The following GRM5 variants were observed in gnomAD, a reference collection of about 807,000 sequenced individuals.
The protein encoded by GRM5 is metabotropic glutamate receptor 5.
A neutral mutation model predicts 83.1 loss-of-function variants in GRM5; 19 were observed. The observed-to-expected ratio is 0.23, with a 90% confidence interval of 0.16 to 0.34. The LOEUF (loss-of-function observed/expected upper bound fraction) is 0.34. Among genes scored for constraint, GRM5 ranks in the 10% least tolerant of loss-of-function variants. The probability of loss-of-function intolerance (pLI) is 1.00; values close to 1 mark genes in which losing one functional copy is unlikely to be tolerated. For synonymous variants in GRM5, 675 were observed against 633.6 expected (o/e 1.07, Z -0.98); for missense variants, 1,160 against 1,588.3 (o/e 0.73, Z 4.58).
intron 8 of GRM5, among the ~76,000 whole-genome samples, chr11:88,546,399 T>C (rs560132988): frequency 1.3e-5 from 2 of 152,266 alleles, no homozygotes; most frequent in South Asian, 4.1e-4. Flanking sequence ...TCTCAATGAA[T>C]AGTTACTGAA....
intron 1 of GRM5, among the ~76,000 whole-genome samples, chr11:89,064,887 T>A (rs1247574802): frequency 4.8e-5 from 3 of 61,992 alleles, no homozygotes; most frequent in South Asian, 1.7e-3. Context: ...TCTCTCTCTC[T>A]CTGTGTGTGT....
At chr11:89,030,780 A>T (rs561220238) in intron 2 of GRM5, among the ~76,000 whole-genome samples, 2 of 152,208 alleles carry the variant, frequency 1.3e-5, no homozygotes, top group Admixed American at 1.3e-4. Flanking sequence ...ATGCCCTATT[A>T]TACTTAAGAA....
intron 1 of GRM5, among the ~76,000 whole-genome samples, chr11:89,059,966 A>G (rs1215277608): frequency 2.6e-5 from 4 of 152,064 alleles, no homozygotes; most frequent in Admixed American, 6.6e-5. Flanking sequence ...AAAATAGTGA[A>G]ACTAAGGTAC....
At chr11:88,675,809 G>A (rs946259726) in intron 3 of GRM5, among the ~76,000 whole-genome samples, 2 of 152,026 alleles carry the variant, frequency 1.3e-5, no homozygotes, top group South Asian at 2.1e-4. Context: ...TAGGCATTCT[G>A]TAAATGTTTG....
chr11:88,912,537 G>A (rs1439448651), intron 2 of GRM5, among the ~76,000 whole-genome samples: 1 of 146,086 alleles, frequency 6.8e-6, no homozygotes, highest in Non-Finnish European at 1.5e-5. Flanking sequence ...GCATGTGTAT[G>A]TGTTGGTGGG....
At chr11:88,741,109 C>A (rs917866971) in intron 3 of GRM5, among the ~76,000 whole-genome samples, 1 of 151,960 alleles carries the variant, frequency 6.6e-6, no homozygotes, top group East Asian at 1.9e-4. Flanking sequence ...AGGCGGCAAC[C>A]ACAGCTTAAG....
chr11:88,546,550 C>T (rs1942389170), intron 8 of GRM5, among the ~76,000 whole-genome samples: 2 of 151,924 alleles, frequency 1.3e-5, no homozygotes, highest in African/African-American at 4.8e-5. Context: ...TGGAATTTGG[C>T]TAAATGGAGT....
chr11:88,943,843 T>C (rs1262710407), intron 2 of GRM5, among the ~76,000 whole-genome samples: 1 of 151,994 alleles, frequency 6.6e-6, no homozygotes, highest in East Asian at 1.9e-4. Context: ...GGTCTTGGCA[T>C]CCATAGCTAC....
chr11:88,600,111 A>G (rs1024002097), intron 5 of GRM5, among the ~76,000 whole-genome samples: 1 of 152,198 alleles, frequency 6.6e-6, no homozygotes, highest in African/African-American at 2.4e-5. Flanking sequence ...AGAAGCAAAG[A>G]TTAGTGTGTC....
intron 2 of GRM5, among the ~76,000 whole-genome samples, chr11:88,934,297 G>T (rs1173976185): frequency 6.6e-6 from 1 of 151,762 alleles, no homozygotes; most frequent in Non-Finnish European, 1.5e-5. Context: ...TGATTTCAAA[G>T]ATAACCTAAC....
At chr11:88,812,281 A>G (rs1532546) in intron 3 of GRM5, among the ~76,000 whole-genome samples, 1 of 144,040 alleles carries the variant, frequency 6.9e-6, no homozygotes. Flanking sequence ...AGAGGCCCCC[A>G]AAAATTGAGA....
chr11:88,940,915 A>T (rs997441942), intron 2 of GRM5, among the ~76,000 whole-genome samples: 5 of 152,070 alleles, frequency 3.3e-5, no homozygotes, highest in African/African-American at 1.2e-4. Flanking sequence ...TGAGGCAATC[A>T]GTATGAACAC....
At chr11:88,709,100 G>T (rs1259882623) in intron 3 of GRM5, among the ~76,000 whole-genome samples, 1 of 151,964 alleles carries the variant, frequency 6.6e-6, no homozygotes, top group African/African-American at 2.4e-5. Context: ...ATTTTGGAGA[G>T]AAGTCCCTGG....
chr11:88,729,303 G>A (rs1941752664), intron 3 of GRM5, among the ~76,000 whole-genome samples: 1 of 151,646 alleles, frequency 6.6e-6, no homozygotes, highest in African/African-American at 2.4e-5. Flanking sequence ...AAAATACCTA[G>A]GAATCCAACT....
chr11:89,002,314 G>A (rs1204534529), intron 2 of GRM5, among the ~76,000 whole-genome samples: 2 of 152,118 alleles, frequency 1.3e-5, no homozygotes, highest in Non-Finnish European at 2.9e-5. Flanking sequence ...GAAAGAGCTA[G>A]TGGATATATT....
intron 1 of GRM5, among the ~76,000 whole-genome samples, chr11:89,061,546 T>A (rs1941992393): frequency 6.6e-6 from 1 of 152,220 alleles, no homozygotes; most frequent in African/African-American, 2.4e-5. Flanking sequence ...ACAACAATGT[T>A]AATAATCAGA....
At chr11:88,570,415 C>T (rs1310638133) in intron 7 of GRM5, among the ~76,000 whole-genome samples, 1 of 150,916 alleles carries the variant, frequency 6.6e-6, no homozygotes, top group Non-Finnish European at 1.5e-5. Context: ...ATCTGTATTT[C>T]TAGTCATCTA....
intron 3 of GRM5, among the ~76,000 whole-genome samples, chr11:88,731,324 A>G (rs7931629): frequency 0.64 from 97,558 of 151,882 alleles, 33,432 homozygotes; most frequent in South Asian, 0.84. Context: ...CCATGGCATT[A>G]CTTAGTATTA....
At chr11:88,842,770 G>T (rs142028211) in intron 3 of GRM5, among the ~76,000 whole-genome samples, 1 of 151,654 alleles carries the variant, frequency 6.6e-6, no homozygotes, top group Non-Finnish European at 1.5e-5. Flanking sequence ...TAACAAACAC[G>T]TCCTTGATTT....
Sources: gnomAD v4.1 joint callset for allele counts (sites outside exome capture counted in the v4.1 genomes callset) on GRCh38, gnomAD v4.1.1 for gene constraint, MANE v1.5 for transcripts, NCBI Gene and HGNC (gene_info 2026-07-23, HGNC 2026-07-21) for gene names.